PDE1C: variants seen among roughly 807,000 people sequenced by gnomAD.
PDE1C encodes phosphodiesterase 1C.
Under a neutral mutation model 93.1 loss-of-function variants are expected in PDE1C, and 62 were observed. The ratio of observed to expected loss-of-function variants is 0.67; its 90% CI spans 0.54 to 0.82. PDE1C has a LOEUF of 0.82. PDE1C is among the 40% of genes least tolerant of loss of function. The pLI is 0.00. For synonymous variants in PDE1C, 325 were observed against 310.1 expected, an observed-to-expected ratio of 1.05 and a Z score of -0.50; for missense variants, 742 against 884.6, an observed-to-expected ratio of 0.84 and a Z score of 2.04.
At chr7:31,886,445 T>C (rs73690317) in intron 2 of PDE1C, among the ~76,000 whole-genome samples, 1,839 of 152,306 alleles carry the variant, frequency 0.012, 35 homozygotes, top group African/African-American at 0.042. Flanking sequence ...TGAAAAACAT[T>C]CAACATTGGG....
chr7:32,159,605 T>C (rs1486154591), intron 3 of PDE1C, among the ~76,000 whole-genome samples: 1 of 152,092 alleles, frequency 6.6e-6, no homozygotes, highest in East Asian at 1.9e-4. Flanking sequence ...TCATCCACCA[T>C]TAAGACTTAG....
At chr7:31,652,493 C>G in the PDE1C span, 3 of 1,561,018 alleles carry the variant, frequency 1.9e-6, no homozygotes, top group East Asian at 2.4e-5. Context: ...GCTGTTTACT[C>G]TTTTTCCTCT....
chr7:31,991,077 T>C (rs1358455830), intron 2 of PDE1C, among the ~76,000 whole-genome samples: 2 of 152,248 alleles, frequency 1.3e-5, no homozygotes, highest in East Asian at 1.9e-4. Context: ...TTTAATGCTA[T>C]AAATATCCAA....
At chr7:31,864,905 T>C (rs1337226902) in intron 7 of PDE1C, 37 bp downstream of exon 7, 4 of 1,600,472 alleles carry the variant, frequency 2.5e-6, no homozygotes, top group Admixed American at 1.7e-5. Context: ...CATCCTTACA[T>C]CTTTTGGGGA....
At chr7:31,948,692 T>C (rs1276859289) in intron 2 of PDE1C, among the ~76,000 whole-genome samples, 2 of 152,156 alleles carry the variant, frequency 1.3e-5, no homozygotes, top group Non-Finnish European at 2.9e-5. Context: ...GGGGGAAAGA[T>C]TTTTGGTGTT....
intron 1 of PDE1C, chr7:32,052,339 A>T: frequency 2.1e-6 from 1 of 480,032 alleles, no homozygotes. Context: ...GAAGCTAGTA[A>T]CATCTGCTCT....
chr7:31,957,968 T>C (rs530694946), intron 2 of PDE1C, among the ~76,000 whole-genome samples: 1 of 152,334 alleles, frequency 6.6e-6, no homozygotes, highest in Admixed American at 6.5e-5. Context: ...ATGACACATA[T>C]GGAATGTTGA....
intron 8 of PDE1C, among the ~76,000 whole-genome samples, chr7:31,849,290 T>A (rs1023523476): frequency 2.0e-5 from 3 of 152,184 alleles, no homozygotes; most frequent in Admixed American, 6.5e-5. Context: ...CCTCTCTTCC[T>A]TGGGCAGGTG....
chr7:32,396,901 A>G (rs1162308411), intron 1 of PDE1C, among the ~76,000 whole-genome samples: 1 of 152,216 alleles, frequency 6.6e-6, no homozygotes, highest in African/African-American at 2.4e-5. Context: ...CATTTTATCA[A>G]ATGACTTAAG....
the PDE1C span, among the ~76,000 whole-genome samples, chr7:31,627,217 C>T: frequency 6.6e-6 from 1 of 152,122 alleles, no homozygotes; most frequent in Middle Eastern, 3.2e-3. Context: ...GCCAATCAAT[C>T]AGTAAATGAT....
intron 2 of PDE1C, among the ~76,000 whole-genome samples, chr7:31,958,131 A>T (rs1166208688): frequency 6.6e-6 from 1 of 151,984 alleles, no homozygotes; most frequent in Non-Finnish European, 1.5e-5. Flanking sequence ...TCTGCAGAGT[A>T]AATTACCTTT....
At chr7:32,227,191 A>G (rs945507587) in intron 1 of PDE1C, among the ~76,000 whole-genome samples, 1 of 152,136 alleles carries the variant, frequency 6.6e-6, no homozygotes, top group Admixed American at 6.5e-5. Context: ...AGGGGCTCAC[A>G]GTTTGGGGAG....
At chr7:32,056,803 T>C (rs1794179492) in intron 1 of PDE1C, among the ~76,000 whole-genome samples, 1 of 152,062 alleles carries the variant, frequency 6.6e-6, no homozygotes, top group Admixed American at 6.5e-5. Context: ...AAAAAAAAGG[T>C]TGAAGATTGC....
At chr7:32,236,568 C>T (rs1257945560) in intron 1 of PDE1C, among the ~76,000 whole-genome samples, 1 of 152,156 alleles carries the variant, frequency 6.6e-6, no homozygotes, top group Non-Finnish European at 1.5e-5. Context: ...ACATCATTAT[C>T]TATTAAGGAA....
intron 7 of PDE1C, among the ~76,000 whole-genome samples, chr7:31,858,310 A>C (rs1390457176): frequency 6.6e-6 from 1 of 152,158 alleles, no homozygotes; most frequent in Non-Finnish European, 1.5e-5. Flanking sequence ...TTTCTGAGCC[A>C]TAGAATTTAA....
At chr7:32,360,131 C>T (rs527772970) in intron 1 of PDE1C, among the ~76,000 whole-genome samples, 1 of 152,246 alleles carries the variant, frequency 6.6e-6, no homozygotes, top group East Asian at 1.9e-4. Context: ...ACTTAGAGGG[C>T]AGAGACCAAC....
At chr7:32,306,143 C>T (rs1455372214) in intron 1 of PDE1C, among the ~76,000 whole-genome samples, 4 of 152,156 alleles carry the variant, frequency 2.6e-5, no homozygotes, top group Non-Finnish European at 4.4e-5. Flanking sequence ...CACCTTCCAC[C>T]GTGGTTGTGA....
the PDE1C span, among the ~76,000 whole-genome samples, chr7:31,651,699 TAAATTTATTA>T: frequency 1.3e-5 from 2 of 152,078 alleles, no homozygotes; most frequent in Non-Finnish European, 2.9e-5. Flanking sequence ...CACAATTTGG[TAAATTTATTA>T]AAAATTATTA....
chr7:32,194,161 G>T (rs575744955), intron 2 of PDE1C, among the ~76,000 whole-genome samples: 1 of 152,078 alleles, frequency 6.6e-6, no homozygotes, highest in Admixed American at 6.6e-5. Flanking sequence ...TGATCTGCCC[G>T]CCTCGGCCTC....
Sources: allele counts gnomAD v4.1 joint callset (sites outside exome capture counted in the v4.1 genomes callset), GRCh38; gene constraint gnomAD v4.1.1; transcripts MANE v1.5; gene names NCBI Gene and HGNC (gene_info 2026-07-23, HGNC 2026-07-21).